Variants in PCF11 observed in about 807,000 individuals in gnomAD.
The protein encoded by PCF11 is PCF11 cleavage and polyadenylation factor subunit.
A neutral mutation model predicts 166.1 loss-of-function variants in PCF11; 19 were observed. The observed-to-expected ratio is 0.11, with a 90% CI of 0.08 to 0.17. The LOEUF is 0.17. Among genes scored for constraint, PCF11 ranks in the 10% least tolerant of loss-of-function variants. The probability of loss-of-function intolerance (pLI) is 1.00; values close to 1 mark genes in which losing one functional copy is unlikely to be tolerated. For missense variants in PCF11, 1,565 were observed against 1,855.5 expected (o/e 0.84, Z 2.88); for synonymous variants, 663 against 644.1 (o/e 1.03, Z -0.44).
chr11:83,176,602 C>T (rs372763033), intron 9 of PCF11, among the ~76,000 whole-genome samples: 8 of 151,450 alleles, frequency 5.3e-5, no homozygotes, highest in East Asian at 1.9e-4. Context: ...AAACAAACAC[C>T]GCATGTTCTC....
intron 2 of PCF11, among the ~76,000 whole-genome samples, chr11:83,163,126 TTAAAAC>T (rs770106175): frequency 8.3e-4 from 126 of 152,326 alleles, no homozygotes; most frequent in Non-Finnish European, 1.3e-3. Flanking sequence ...GAAAAGTTAT[TTAAAAC>T]TAAGGCTTAT....
chr11:83,157,751 A>C (rs1860048597), intron 1 of PCF11, 120 bp downstream of exon 1: 11 of 855,102 alleles, frequency 1.3e-5, no homozygotes, highest in Middle Eastern at 5.1e-4. Flanking sequence ...CAACCCCCCC[A>C]CCCCCCTCCA....
At chr11:83,165,531 G>A in intron 4 of PCF11, 69 bp from the exon 5 acceptor site, 2 of 1,200,550 alleles carry the variant, frequency 1.7e-6, no homozygotes, top group East Asian at 4.7e-5. Context: ...ATCTTCTTCA[G>A]TTGTTTGCAA....
chr11:83,157,463 G>T (rs1041536681), exon 1 of PCF11: 4 of 1,612,008 alleles, frequency 2.5e-6, no homozygotes, highest in Non-Finnish European at 3.4e-6. Flanking sequence ...CGCCGGCCGA[G>T]GCCGGTGCTG....
At chr11:83,168,515 A>G in exon 8 of PCF11, 1 of 1,614,068 alleles carries the variant, frequency 6.2e-7, no homozygotes, top group South Asian at 1.1e-5. Flanking sequence ...CCATTTGTAG[A>G]TAGTCCAGCA....
chr11:83,169,946 G>C, exon 8 of PCF11: 2 of 1,607,264 alleles, frequency 1.2e-6, no homozygotes, highest in Non-Finnish European at 8.5e-7. Context: ...GGAAACTTTG[G>C]CAATATACCT....
At chr11:83,173,113 C>A (rs553023245) in intron 9 of PCF11, among the ~76,000 whole-genome samples, 2 of 152,128 alleles carry the variant, frequency 1.3e-5, no homozygotes, top group Non-Finnish European at 2.9e-5. Context: ...TTTATAAATG[C>A]GCAGGCTTTA....
chr11:83,157,693 C>T lies in PCF11; in HGVS notation c.192+62C>T, dbSNP rs1456382094. The T allele has an allele frequency of 1.4e-5, 20 of 1,442,582 alleles. 1 individual carries two copies. The South Asian group carries it at 1.7e-4, about 12-fold the overall frequency. 89.4% of individuals were successfully genotyped at this position (1,442,582 alleles called of 1,614,324 possible). On this transcript the variant is annotated intron_variant, in intron 1 of 15. Coordinates refer to ENST00000298281, the Ensembl canonical transcript of PCF11. ...TACTCCCTGATTTTAGTGTCAGCCT[C>T]ATCCCAGGTCTCGCTTCCATCCCAA...
intron 4 of PCF11, 66 bp from the exon 5 acceptor site, chr11:83,165,534 G>C: frequency 8.0e-7 from 1 of 1,248,076 alleles, no homozygotes. Flanking sequence ...TTCTTCAGTT[G>C]TTTGCAATTT....
At chr11:83,157,229 T>C in exon 1 of PCF11, 1 of 588,034 alleles carries the variant, frequency 1.7e-6, no homozygotes, top group Non-Finnish European at 3.0e-6. Context: ...CTGTGGCGGC[T>C]GGAAGTGGAC....
chr11:83,177,859 C>G (rs1860940028), intron 11 of PCF11, 40 bp downstream of exon 11: 1 of 889,748 alleles, frequency 1.1e-6, no homozygotes, highest in Non-Finnish European at 1.8e-6. Context: ...GAGGCAGTGA[C>G]TTTAATAACA....
At chr11:83,157,857 AC>A in intron 1 of PCF11, 1 of 561,876 alleles carries the variant, frequency 1.8e-6, no homozygotes, top group Non-Finnish European at 3.2e-6. Context: ...CCGCTTTCCA[AC>A]TCCCTTTTTA....
At chr11:83,169,604 T>C (rs1860607363) in exon 8 of PCF11, 2 of 1,613,998 alleles carry the variant, frequency 1.2e-6, no homozygotes, top group Non-Finnish European at 1.7e-6. Flanking sequence ...TTTGACGGTG[T>C]ACCTCAAAGA....
At chr11:83,165,941 A>C in exon 5 of PCF11, 1 of 1,607,766 alleles carries the variant, frequency 6.2e-7, no homozygotes, top group South Asian at 1.1e-5. Flanking sequence ...AAAGTAAATC[A>C]GGTGAAAAAA....
chr11:83,169,464 A>G, exon 8 of PCF11: 1 of 1,613,688 alleles, frequency 6.2e-7, no homozygotes, highest in South Asian at 1.1e-5. Flanking sequence ...ATGGGCAGCC[A>G]GGTCAGCCGT....
intron 1 of PCF11, among the ~76,000 whole-genome samples, chr11:83,160,361 T>A (rs967388679): frequency 2.7e-5 from 4 of 148,588 alleles, no homozygotes; most frequent in African/African-American, 1.0e-4. Context: ...TTTTTTATTT[T>A]AAATCATGGG....
chr11:83,157,535 T>C, exon 1 of PCF11: 2 of 1,613,914 alleles, frequency 1.2e-6, no homozygotes, highest in Non-Finnish European at 1.7e-6. Flanking sequence ...TGACCTTCAA[T>C]AGCAAGCCGC....
intron 11 of PCF11, among the ~76,000 whole-genome samples, chr11:83,179,429 T>C (rs1484935700): frequency 6.6e-6 from 1 of 152,024 alleles, no homozygotes; most frequent in Non-Finnish European, 1.5e-5. Context: ...TTTGTATTTT[T>C]AGTAGAGATG....
chr11:83,157,752 C>T (rs1431139603), intron 1 of PCF11, 121 bp downstream of exon 1: 6 of 880,326 alleles, frequency 6.8e-6, no homozygotes, highest in Non-Finnish European at 1.1e-5. Context: ...AACCCCCCCA[C>T]CCCCCTCCAA....
Sources: gnomAD v4.1 joint callset for allele counts (sites outside exome capture counted in the v4.1 genomes callset) on GRCh38, gnomAD v4.1.1 for gene constraint, MANE v1.5 for transcripts, NCBI Gene and HGNC (gene_info 2026-07-23, HGNC 2026-07-21) for gene names.